The following KALRN variants were observed in gnomAD, a reference collection of about 807,000 sequenced individuals.
KALRN encodes kalirin.
In KALRN, 70 loss-of-function variants were observed where a neutral mutation model predicts 353.7. The observed-to-expected ratio is 0.20, with a 90% CI of 0.16 to 0.24. The LOEUF is 0.24. Among genes scored for constraint, KALRN ranks in the 10% least tolerant of loss-of-function variants. The pLI, the probability that KALRN is intolerant of heterozygous loss-of-function variation, is 1.00. For synonymous variants in KALRN, 1,391 were observed against 1,434.8 expected, an observed-to-expected ratio of 0.97 and a Z score of 0.69; for missense variants, 2,791 against 3,756.7, an observed-to-expected ratio of 0.74 and a Z score of 6.72.
intron 1 of KALRN, among the ~76,000 whole-genome samples, chr3:124,132,745 G>A (rs1010767943): frequency 4.6e-5 from 7 of 152,158 alleles, no homozygotes; most frequent in Non-Finnish European, 8.8e-5. Context: ...TTTTGGCAGG[G>A]ATTTTTGCCC....
At chr3:124,556,497 A>G (rs1338867090) in intron 33 of KALRN, among the ~76,000 whole-genome samples, 1 of 152,220 alleles carries the variant, frequency 6.6e-6, no homozygotes, top group Non-Finnish European at 1.5e-5. Flanking sequence ...GTTTTATAGT[A>G]GGGCGAGGAC....
intron 1 of KALRN, among the ~76,000 whole-genome samples, chr3:124,213,797 A>G (rs1359209717): frequency 1.3e-5 from 2 of 152,198 alleles, no homozygotes; most frequent in African/African-American, 4.8e-5. Context: ...TTTTAGTCAT[A>G]AGACAATTTC....
chr3:124,709,756 G>A (rs2062802929), intron 57 of KALRN, among the ~76,000 whole-genome samples: 1 of 152,170 alleles, frequency 6.6e-6, no homozygotes, highest in Non-Finnish European at 1.5e-5. Context: ...AAACAGAGAA[G>A]AAGGAATTGT....
At chr3:124,629,397 T>A (rs962321198) in intron 34 of KALRN, among the ~76,000 whole-genome samples, 1 of 152,058 alleles carries the variant, frequency 6.6e-6, no homozygotes, top group East Asian at 1.9e-4. Flanking sequence ...CAAAAAAAAC[T>A]CTTTTTATCA....
intron 33 of KALRN, among the ~76,000 whole-genome samples, chr3:124,532,168 A>G (rs915832575): frequency 3.3e-5 from 5 of 152,242 alleles, no homozygotes; most frequent in Non-Finnish European, 5.9e-5. Flanking sequence ...TGAATCCCCA[A>G]TAGCAGAGTC....
At chr3:124,609,557 C>T (rs1056311283) in intron 34 of KALRN, among the ~76,000 whole-genome samples, 5 of 152,168 alleles carry the variant, frequency 3.3e-5, no homozygotes, top group Non-Finnish European at 7.3e-5. Context: ...GGGCATAGAG[C>T]GCTTTAAATC....
At chr3:124,494,155 T>A (rs2063471936) in intron 32 of KALRN, among the ~76,000 whole-genome samples, 1 of 152,198 alleles carries the variant, frequency 6.6e-6, no homozygotes, top group Non-Finnish European at 1.5e-5. Flanking sequence ...GAAAGGCATA[T>A]CTTGGAAATG....
chr3:124,281,568 T>C (rs1201580411), intron 5 of KALRN, among the ~76,000 whole-genome samples: 3 of 152,232 alleles, frequency 2.0e-5, no homozygotes, highest in Non-Finnish European at 2.9e-5. Context: ...CTCCACTATA[T>C]GTGCCTATTA....
chr3:124,696,974 G>A (rs979066217), intron 54 of KALRN, among the ~76,000 whole-genome samples: 9 of 152,052 alleles, frequency 5.9e-5, no homozygotes, highest in Non-Finnish European at 1.3e-4. Flanking sequence ...AGGCTGGAGT[G>A]CAGTAGCATG....
intron 59 of KALRN, among the ~76,000 whole-genome samples, chr3:124,718,624 C>T (rs1349084600): frequency 6.6e-6 from 1 of 152,152 alleles, no homozygotes; most frequent in African/African-American, 2.4e-5. Flanking sequence ...AGCCCCTGTT[C>T]ACCAAAATGA....
chr3:124,141,963 ACT>A (rs2066677576), intron 1 of KALRN, among the ~76,000 whole-genome samples: 2 of 152,122 alleles, frequency 1.3e-5, no homozygotes, highest in South Asian at 4.2e-4. Context: ...TGAGCAAGTC[ACT>A]CTCTGAGGCT....
At chr3:124,206,185 C>T (rs937317556) in intron 1 of KALRN, among the ~76,000 whole-genome samples, 1 of 152,150 alleles carries the variant, frequency 6.6e-6, no homozygotes, top group African/African-American at 2.4e-5. Flanking sequence ...GTCATAGTCT[C>T]CTACAGATGT....
chr3:124,217,761 G>T (rs1197291737), intron 1 of KALRN, among the ~76,000 whole-genome samples: 1 of 152,090 alleles, frequency 6.6e-6, no homozygotes, highest in African/African-American at 2.4e-5. Context: ...TGGGGAGAGG[G>T]TGCTTTAGTT....
At position 124,110,467 on chromosome 3, in the gene KALRN, G is replaced by GCACA. The variant is rs1553768460; in HGVS notation, c.73+76655_73+76656insACAC. On this transcript the variant is annotated intron_variant, in intron 1 of 59. Transcript: ENST00000682506. ...GTATATATTTCATATATACACACGC[G>GCACA]CGCACACACACACACACACACACAC... Among the ~76,000 whole-genome samples the GCACA allele has an allele frequency of 5.2e-4, 28 of 54,250 alleles. 1 individual carries two copies. In the East Asian group the frequency reaches 0.012, roughly 22 times the overall value. The allele number at this position is 54,250 out of a possible 152,430, so 35.6% of individuals were successfully genotyped here.
intron 11 of KALRN, among the ~76,000 whole-genome samples, chr3:124,392,308 G>A (rs1219633364): frequency 6.6e-6 from 1 of 152,118 alleles, no homozygotes; most frequent in Non-Finnish European, 1.5e-5. Context: ...ATAATATGTA[G>A]CACTGATAAG....
At chr3:124,057,899 G>A (rs997868155) in intron 1 of KALRN, among the ~76,000 whole-genome samples, 5 of 152,178 alleles carry the variant, frequency 3.3e-5, no homozygotes, top group African/African-American at 4.8e-5. Context: ...AACTGTATTA[G>A]TTCCTTTTCA....
chr3:124,223,116 T>C lies in KALRN; in HGVS notation c.74-4874T>C, dbSNP rs913913171. Among the ~76,000 whole-genome samples, 3 of 151,720 alleles carry C rather than the reference T, an allele frequency of 2.0e-5. No homozygotes were observed. In the South Asian group the frequency reaches 6.3e-4, roughly 32 times the overall value. ...GTGTCCTGTCTCTGATAACAGTTAA[T>C]TGTCCTATTTGGAAACCCATCTTTC... On this transcript the variant is annotated intron_variant, in intron 1 of 59. Transcript: ENST00000682506.
At position 124,059,214 on chromosome 3, in the gene KALRN, ACTAATGTT is replaced by A. The variant is rs575591678; in HGVS notation, c.73+25406_73+25413del. Among the ~76,000 whole-genome samples, 6 of 152,368 alleles carry A rather than the reference ACTAATGTT, an allele frequency of 3.9e-5. No individual in the cohort carries two copies. In the South Asian group the frequency reaches 1.2e-3, roughly 32 times the overall value. On this transcript the variant is annotated intron_variant, in intron 1 of 59. Coordinates refer to ENST00000682506, the MANE Select transcript of KALRN (RefSeq NM_001388419.1). Reference sequence around the variant, plus strand: ...GTTAGATCCAAACAACTTAATAAGTACTAATGTTCTAACAATCCAGTAGCCATTTGAAA... The same window carrying A: ...GTTAGATCCAAACAACTTAATAAGTACTAACAATCCAGTAGCCATTTGAAA...
At chr3:124,191,321 AGTT>A in intron 1 of KALRN, among the ~76,000 whole-genome samples, 1 of 152,162 alleles carries the variant, frequency 6.6e-6, no homozygotes, top group Admixed American at 6.5e-5. Context: ...CCACTCCTGA[AGTT>A]GCAGGATGGG....
Sources: allele counts gnomAD v4.1 joint callset (sites outside exome capture counted in the v4.1 genomes callset), GRCh38; gene constraint gnomAD v4.1.1; transcripts MANE v1.5; gene names NCBI Gene and HGNC (gene_info 2026-07-23, HGNC 2026-07-21).